Variants in RAPGEF5 observed in about 807,000 individuals in gnomAD.
The protein encoded by RAPGEF5 is M-Ras-regulated GEF.
A neutral mutation model predicts 125.2 loss-of-function variants in RAPGEF5; 65 were observed. The ratio of observed to expected loss-of-function variants is 0.52; its 90% CI spans 0.43 to 0.64. RAPGEF5 has a LOEUF of 0.64. Ranked by LOEUF, RAPGEF5 falls within the 30% of genes least tolerant of loss-of-function variation. The probability of loss-of-function intolerance (pLI) is 0.00; values close to 1 mark genes in which losing one functional copy is unlikely to be tolerated. For missense variants in RAPGEF5, 958 were observed against 1,048.1 expected, an observed-to-expected ratio of 0.91 and a Z score of 1.19; for synonymous variants, 391 against 385.9, an observed-to-expected ratio of 1.01 and a Z score of -0.16.
At chr7:22,134,011 T>C (rs1005541311) in intron 23 of RAPGEF5, among the ~76,000 whole-genome samples, 1 of 152,192 alleles carries the variant, frequency 6.6e-6, no homozygotes, top group Non-Finnish European at 1.5e-5. Context: ...GTCCCATTTT[T>C]CTAATTAAAA....
intron 16 of RAPGEF5, among the ~76,000 whole-genome samples, 153 bp from the exon 17 acceptor site, chr7:22,154,757 T>C (rs1783751335): frequency 6.6e-6 from 1 of 152,194 alleles, no homozygotes; most frequent in African/African-American, 2.4e-5. Context: ...TTTTTATATA[T>C]GTACATGAGC....
At chr7:22,276,125 A>G (rs181745449) in intron 6 of RAPGEF5, among the ~76,000 whole-genome samples, 2 of 152,310 alleles carry the variant, frequency 1.3e-5, no homozygotes, top group Admixed American at 1.3e-4. Context: ...AGTCTATATT[A>G]GACATTTTAA....
At position 22,308,452 on chromosome 7, in the gene RAPGEF5, A is replaced by G; in HGVS notation, c.567T>C (p.Asp189=). 2 of 1,575,236 alleles carry G rather than the reference A, an allele frequency of 1.3e-6. No individual in the cohort carries two copies. The highest frequency in any genetic ancestry group is 1.7e-6 in the Non-Finnish European group (2 of 1,158,620). ...DTYVFYQFSS[D]ECSYLYCEFE... ...ATTCACAGTACAAGTAGCTACATTCATCAGAGGAAAACTGGTAGAAAACAT... is the reference window on the plus strand; with the variant it reads ...ATTCACAGTACAAGTAGCTACATTCGTCAGAGGAAAACTGGTAGAAAACAT... The change falls in exon 5 of 26, where the codon GAT becomes GAC. Residue 189 remains aspartate, a synonymous_variant. Transcript: ENST00000665637.
At chr7:22,263,668 T>G (rs953901849) in intron 7 of RAPGEF5, among the ~76,000 whole-genome samples, 5 of 151,618 alleles carry the variant, frequency 3.3e-5, no homozygotes, top group African/African-American at 1.2e-4. Flanking sequence ...AGGCAGAGGT[T>G]GCAGTGAGCC....
intron 1 of RAPGEF5, among the ~76,000 whole-genome samples, chr7:22,344,534 G>C (rs971617778): frequency 2.0e-5 from 3 of 152,182 alleles, no homozygotes; most frequent in Non-Finnish European, 4.4e-5. Context: ...GAGAAAAAGA[G>C]AGCAAGCAGG....
chr7:22,246,963 A>G (rs1786492916), intron 7 of RAPGEF5, among the ~76,000 whole-genome samples: 1 of 152,364 alleles, frequency 6.6e-6, no homozygotes, highest in East Asian at 1.9e-4. Context: ...AGCAGCCAAT[A>G]AACATATGAA....
chr7:22,339,087 A>G lies in RAPGEF5; in HGVS notation c.231+17743T>C, dbSNP rs1453757498. 2.0e-5 allele frequency among the ~76,000 whole-genome samples: 3 copies of G among 152,290 alleles called. No individual in the cohort carries two copies. In the East Asian group the frequency reaches 5.8e-4, roughly 29 times the overall value. Reference sequence around the variant, plus strand: ...TGGAGTTTAACTGGTGTATGACCTTATGGGAACACTCGACTGGTAAGAGAA... The same window carrying G: ...TGGAGTTTAACTGGTGTATGACCTTGTGGGAACACTCGACTGGTAAGAGAA... On this transcript the variant is annotated intron_variant, in intron 1 of 25. Transcript: ENST00000665637.
intron 7 of RAPGEF5, among the ~76,000 whole-genome samples, chr7:22,264,377 A>T (rs1782232581): frequency 6.6e-6 from 1 of 152,218 alleles, no homozygotes; most frequent in African/African-American, 2.4e-5. Context: ...TCACATTCCA[A>T]ACTCCATTGA....
intron 7 of RAPGEF5, among the ~76,000 whole-genome samples, chr7:22,232,720 C>G (rs367826727): frequency 6.6e-6 from 1 of 152,078 alleles, no homozygotes; most frequent in Non-Finnish European, 1.5e-5. Flanking sequence ...CTGTGTGGTG[C>G]CCACCATGGA....
At chr7:22,291,030 T>C in intron 6 of RAPGEF5, 145 bp downstream of exon 6, 1 of 837,660 alleles carries the variant, frequency 1.2e-6, no homozygotes, top group Non-Finnish European at 1.7e-6. Context: ...AGCCACTGTC[T>C]CCCTCTGCCT....
At chr7:22,252,244 A>G (rs745431228) in intron 7 of RAPGEF5, among the ~76,000 whole-genome samples, 2 of 152,230 alleles carry the variant, frequency 1.3e-5, no homozygotes, top group African/African-American at 4.8e-5. Flanking sequence ...AAGACCAGAC[A>G]GTAACCTGCT....
rs1395783992 is a variant in RAPGEF5 at position 22,189,118 on chromosome 7, G to A, written c.1204+4249C>T. 4.1e-5 allele frequency among the ~76,000 whole-genome samples: 6 copies of A among 147,484 alleles called. No individual in the cohort carries two copies. In the South Asian group the frequency reaches 1.3e-3, roughly 31 times the overall value. On this transcript the variant is annotated intron_variant, in intron 11 of 25. Transcript: ENST00000665637. Reference sequence around the variant, plus strand: ...AGGTCAGGCCTAATGAGAATCAGCTGGTAGGCTTTACCTATTCCTACTATT... The same window carrying A: ...AGGTCAGGCCTAATGAGAATCAGCTAGTAGGCTTTACCTATTCCTACTATT...
At chr7:22,281,981 G>A (rs544155105) in intron 6 of RAPGEF5, among the ~76,000 whole-genome samples, 1 of 152,262 alleles carries the variant, frequency 6.6e-6, no homozygotes, top group South Asian at 2.1e-4. Context: ...GAACAGAAAT[G>A]ATGGCCATTC....
At chr7:22,287,409 C>T (rs1327999294) in intron 6 of RAPGEF5, among the ~76,000 whole-genome samples, 1 of 152,154 alleles carries the variant, frequency 6.6e-6, no homozygotes, top group African/African-American at 2.4e-5. Flanking sequence ...AGGACTTTTC[C>T]TCCTGATGAA....
At chr7:22,176,094 G>A (rs1784498318) in intron 11 of RAPGEF5, among the ~76,000 whole-genome samples, 1 of 152,152 alleles carries the variant, frequency 6.6e-6, no homozygotes, top group Admixed American at 6.5e-5. Flanking sequence ...AGTAGGGGAT[G>A]AAAGAGCAAA....
intron 1 of RAPGEF5, among the ~76,000 whole-genome samples, chr7:22,339,527 A>G (rs1424378824): frequency 6.6e-6 from 1 of 152,248 alleles, no homozygotes; most frequent in African/African-American, 2.4e-5. Flanking sequence ...TGATGGACAC[A>G]TTAGAGTAAG....
At chr7:22,209,490 T>C (rs1007680263) in intron 9 of RAPGEF5, among the ~76,000 whole-genome samples, 2 of 152,224 alleles carry the variant, frequency 1.3e-5, no homozygotes, top group Non-Finnish European at 2.9e-5. Context: ...GAGGAAAGTA[T>C]TATGTCTGTA....
intron 8 of RAPGEF5, among the ~76,000 whole-genome samples, chr7:22,225,151 CTG>C (rs2128133565): frequency 6.6e-6 from 1 of 152,266 alleles, no homozygotes; most frequent in Non-Finnish European, 1.5e-5. Flanking sequence ...GAGTGAGACT[CTG>C]TTTCTCTCTA....
chr7:22,142,522 A>C (rs1204878462), intron 20 of RAPGEF5, among the ~76,000 whole-genome samples: 1 of 152,208 alleles, frequency 6.6e-6, no homozygotes, highest in African/African-American at 2.4e-5. Flanking sequence ...AAGGAAAAAA[A>C]CCCATAAAAA....
Sources: allele counts gnomAD v4.1 joint callset (sites outside exome capture counted in the v4.1 genomes callset), GRCh38; gene constraint gnomAD v4.1.1; transcripts MANE v1.5; gene names NCBI Gene and HGNC (gene_info 2026-07-23, HGNC 2026-07-21).